RXRA: variants seen among roughly 807,000 people sequenced by gnomAD.
RXRA encodes the protein retinoic acid receptor RXR-alpha.
In RXRA, 5 loss-of-function variants were observed where a neutral mutation model predicts 44.5. That is an observed-to-expected ratio of 0.11 (90% CI 0.06 to 0.24). The LOEUF (loss-of-function observed/expected upper bound fraction) is 0.24, where lower values mean the gene tolerates loss of function less well. RXRA is among the 10% of genes least tolerant of loss of function. RXRA has a pLI of 1.00. For missense variants in RXRA, 412 were observed against 646.5 expected (o/e 0.64, Z 3.93); for synonymous variants, 291 against 271.4 (o/e 1.07, Z -0.71).
intron 4 of RXRA, among the ~76,000 whole-genome samples, chr9:134,416,278 C>T (rs1028886505): frequency 5.3e-5 from 8 of 152,162 alleles, no homozygotes; most frequent in Admixed American, 2.6e-4. Flanking sequence ...GAGCCTCATG[C>T]GCCTGGGCAG....
intron 1 of RXRA, among the ~76,000 whole-genome samples, chr9:134,358,699 T>C (rs1830314379): frequency 1.3e-5 from 2 of 149,708 alleles, no homozygotes; most frequent in Admixed American, 6.6e-5. Flanking sequence ...TCTGCAGGAC[T>C]GGGCAGAGCC....
intron 1 of RXRA, among the ~76,000 whole-genome samples, chr9:134,350,169 G>A (rs1000619974): frequency 3.9e-5 from 6 of 152,092 alleles, no homozygotes; most frequent in African/African-American, 9.7e-5. Context: ...GTCTGGGGCC[G>A]AGTGGGCAGC....
intron 6 of RXRA, chr9:134,423,957 G>A (rs796675426): frequency 7.1e-6 from 7 of 985,340 alleles, no homozygotes; most frequent in Non-Finnish European, 8.4e-6. Context: ...ATGGTTGTGC[G>A]CTGGGGGCCT....
At chr9:134,338,991 C>T (rs1222129093) in intron 1 of RXRA, among the ~76,000 whole-genome samples, 1 of 152,272 alleles carries the variant, frequency 6.6e-6, no homozygotes, top group Non-Finnish European at 1.5e-5. Flanking sequence ...CTGCCTCCTG[C>T]TGTGGATGCC....
chr9:134,395,492 TC>T (rs1223993904), intron 1 of RXRA, among the ~76,000 whole-genome samples: 3 of 152,202 alleles, frequency 2.0e-5, no homozygotes, highest in Non-Finnish European at 4.4e-5. Context: ...TAGGGCCACT[TC>T]CTGGGGGTTT....
chr9:134,340,267 C>T (rs1830070763), intron 1 of RXRA, among the ~76,000 whole-genome samples: 1 of 152,136 alleles, frequency 6.6e-6, no homozygotes, highest in Admixed American at 6.5e-5. Context: ...GGCTCGGGGT[C>T]CAGGACAGGA....
rs930243894 is a variant in RXRA at position 134,437,430 on chromosome 9, T to A, written c.*816T>A. On this transcript the variant is annotated 3_prime_UTR_variant, in exon 10 of 10. Coordinates refer to ENST00000481739, the MANE Select transcript of RXRA (RefSeq NM_002957.6). ...TGCCCCGGCCCCTCCCCAGCCTGAG[T>A]CTTCTCCTTGCTCTGCGGGGTGGGC... 6.6e-6 allele frequency: 1 copy of A among 152,558 alleles called. No homozygotes were observed. The highest frequency in any genetic ancestry group is 1.5e-5 in the Non-Finnish European group (1 of 68,218). 9.5% of individuals were successfully genotyped at this position (152,558 alleles called of 1,614,324 possible). A position where few individuals can be genotyped will look rare whatever the true frequency, so the allele number is the denominator to read the frequency against.
intron 1 of RXRA, among the ~76,000 whole-genome samples, chr9:134,362,413 C>T (rs545450529): frequency 8.5e-5 from 13 of 152,332 alleles, no homozygotes; most frequent in African/African-American, 1.7e-4. Flanking sequence ...CTCTGCAGCC[C>T]GCGTTTCTCC....
chr9:134,384,847 G>C (rs1830695887), intron 1 of RXRA, among the ~76,000 whole-genome samples: 1 of 152,212 alleles, frequency 6.6e-6, no homozygotes, highest in Admixed American at 6.5e-5. Flanking sequence ...GTGGTTCAGG[G>C]CCAGCCTGGC....
intron 6 of RXRA, chr9:134,424,155 G>A (rs1371148722): frequency 1.0e-6 from 1 of 985,242 alleles, no homozygotes; most frequent in Non-Finnish European, 1.2e-6. Context: ...AGGTTAGAGG[G>A]TTTCTGTGGC....
intron 6 of RXRA, chr9:134,425,661 G>C: frequency 1.0e-6 from 1 of 985,202 alleles, no homozygotes; most frequent in Non-Finnish European, 1.2e-6. Context: ...GTCCCCCTGT[G>C]GGGACAGCAC....
At chr9:134,339,988 C>T (rs1476367560) in intron 1 of RXRA, among the ~76,000 whole-genome samples, 3 of 152,010 alleles carry the variant, frequency 2.0e-5, no homozygotes, top group Non-Finnish European at 4.4e-5. Flanking sequence ...CATGTGTGTT[C>T]CTCTGTGCAC....
intron 1 of RXRA, among the ~76,000 whole-genome samples, chr9:134,382,621 G>A (rs748946238): frequency 2.0e-5 from 3 of 152,106 alleles, no homozygotes; most frequent in Non-Finnish European, 2.9e-5. Context: ...GTGGATTCAC[G>A]AGGGAGGGGC....
chr9:134,434,780 G>A (rs1257677072), intron 9 of RXRA, among the ~76,000 whole-genome samples: 4 of 151,716 alleles, frequency 2.6e-5, no homozygotes, highest in African/African-American at 7.3e-5. Context: ...TCCCTGCCTG[G>A]GATTCAAAGT....
intron 1 of RXRA, among the ~76,000 whole-genome samples, chr9:134,355,355 T>C (rs1296186192): frequency 6.6e-6 from 1 of 152,170 alleles, no homozygotes; most frequent in Admixed American, 6.5e-5. Flanking sequence ...GCCTGACCCT[T>C]GGACAGATCC....
intron 5 of RXRA, among the ~76,000 whole-genome samples, chr9:134,419,857 G>T (rs946872606): frequency 1.3e-5 from 2 of 152,212 alleles, no homozygotes; most frequent in Non-Finnish European, 2.9e-5. Flanking sequence ...CACCTGCCGG[G>T]AGTGTGCCTC....
At chr9:134,378,819 C>T (rs1830597042) in intron 1 of RXRA, among the ~76,000 whole-genome samples, 1 of 152,212 alleles carries the variant, frequency 6.6e-6, no homozygotes, top group Non-Finnish European at 1.5e-5. Context: ...GGGGTGCCTG[C>T]AGGAGTCCCG....
intron 1 of RXRA, among the ~76,000 whole-genome samples, chr9:134,375,384 C>T (rs1736181428): frequency 6.6e-6 from 1 of 152,104 alleles, no homozygotes; most frequent in African/African-American, 2.4e-5. Context: ...ATTGCAGTGG[C>T]TTTTGGGGTC....
intron 1 of RXRA, among the ~76,000 whole-genome samples, chr9:134,395,595 G>A (rs1830865779): frequency 6.6e-6 from 1 of 152,214 alleles, no homozygotes; most frequent in Admixed American, 6.5e-5. Context: ...GGTGGTTCTG[G>A]GGCACCCCTG....
Sources: gnomAD v4.1 joint callset for allele counts (sites outside exome capture counted in the v4.1 genomes callset) on GRCh38, gnomAD v4.1.1 for gene constraint, MANE v1.5 for transcripts, NCBI Gene and HGNC (gene_info 2026-07-23, HGNC 2026-07-21) for gene names.